The following KIAA1671 variants were observed in gnomAD, a reference collection of about 807,000 sequenced individuals.
KIAA1671 encodes KIAA1671.
In KIAA1671, 52 loss-of-function variants were observed where a neutral mutation model predicts 131.2. That is an observed-to-expected ratio of 0.40 (90% CI 0.32 to 0.50). KIAA1671 has a LOEUF of 0.50. Ranked by LOEUF, KIAA1671 falls within the 20% of genes least tolerant of loss-of-function variation. KIAA1671 has a pLI of 0.73. For missense variants in KIAA1671, 2,360 were observed against 2,364.2 expected (o/e 1.00, Z 0.04); for synonymous variants, 1,003 against 961.6 (o/e 1.04, Z -0.80).
chr22:24,985,175 A>G (rs1423026542), intron 1 of KIAA1671, among the ~76,000 whole-genome samples: 1 of 152,130 alleles, frequency 6.6e-6, no homozygotes, highest in Non-Finnish European at 1.5e-5. Flanking sequence ...TTCACATTCC[A>G]AACTGGGAAC....
At chr22:25,121,508 T>G (rs1931944557) in intron 6 of KIAA1671, among the ~76,000 whole-genome samples, 1 of 151,942 alleles carries the variant, frequency 6.6e-6, no homozygotes, top group South Asian at 2.1e-4. Context: ...AGAGAAGTCC[T>G]TACAAGAGAA....
chr22:25,164,192 C>CA (rs1353963099), intron 6 of KIAA1671, among the ~76,000 whole-genome samples: 1 of 152,110 alleles, frequency 6.6e-6, no homozygotes, highest in Non-Finnish European at 1.5e-5. Context: ...CCTCCTGATG[C>CA]ATCATAGAAA....
intron 6 of KIAA1671, among the ~76,000 whole-genome samples, chr22:25,149,941 C>T (rs1018048348): frequency 2.0e-4 from 30 of 152,322 alleles, no homozygotes; most frequent in African/African-American, 5.3e-4. Flanking sequence ...CCATGCCCTT[C>T]GTCTGTGTTG....
chr22:25,129,284 G>A (rs1005470608), intron 6 of KIAA1671, among the ~76,000 whole-genome samples: 5 of 152,000 alleles, frequency 3.3e-5, no homozygotes, highest in Admixed American at 1.3e-4. Context: ...TTTGGGAGGC[G>A]GATCATGAGG....
At chr22:25,150,105 T>C (rs892710385) in intron 6 of KIAA1671, among the ~76,000 whole-genome samples, 1 of 152,252 alleles carries the variant, frequency 6.6e-6, no homozygotes, top group Non-Finnish European at 1.5e-5. Context: ...TGTCATACAG[T>C]AGGTGCTGAT....
chr22:25,048,557 G>A (rs1252282809), intron 5 of KIAA1671, among the ~76,000 whole-genome samples: 1 of 152,098 alleles, frequency 6.6e-6, no homozygotes, highest in Admixed American at 6.5e-5. Context: ...CTGGGCCTTT[G>A]TTTCCTTGTC....
intron 6 of KIAA1671, among the ~76,000 whole-genome samples, chr22:25,139,982 A>T (rs1195441760): frequency 1.3e-5 from 2 of 152,240 alleles, no homozygotes; most frequent in African/African-American, 4.8e-5. Context: ...GCAATTGATT[A>T]GTACTGCTGC....
At chr22:25,078,350 C>T (rs1169101086) in intron 6 of KIAA1671, among the ~76,000 whole-genome samples, 1 of 152,168 alleles carries the variant, frequency 6.6e-6, no homozygotes, top group Non-Finnish European at 1.5e-5. Context: ...CACAGCAATA[C>T]TCAGTCTCTA....
At chr22:24,977,583 G>T (rs891237269) in intron 1 of KIAA1671, among the ~76,000 whole-genome samples, 12 of 152,202 alleles carry the variant, frequency 7.9e-5, no homozygotes, top group Non-Finnish European at 1.2e-4. Context: ...CCCACCCTGG[G>T]GCTCCAAAGG....
At chr22:25,104,950 T>G (rs1930911514) in intron 6 of KIAA1671, among the ~76,000 whole-genome samples, 1 of 152,158 alleles carries the variant, frequency 6.6e-6, no homozygotes, top group African/African-American at 2.4e-5. Flanking sequence ...AGAAAGTAAC[T>G]GTCCAGGGAA....
At chr22:25,041,983 A>T (rs1221913990) in intron 5 of KIAA1671, among the ~76,000 whole-genome samples, 1 of 152,116 alleles carries the variant, frequency 6.6e-6, no homozygotes, top group Middle Eastern at 3.2e-3. Flanking sequence ...GGCTCAAGTG[A>T]TCCTCCTGCC....
At chr22:25,146,992 T>A (rs1190665649) in intron 6 of KIAA1671, among the ~76,000 whole-genome samples, 1 of 151,918 alleles carries the variant, frequency 6.6e-6, no homozygotes, top group African/African-American at 2.4e-5. Flanking sequence ...CTAATCCATG[T>A]GTGTGTTTGG....
intron 6 of KIAA1671, among the ~76,000 whole-genome samples, chr22:25,114,727 A>G (rs7289890): frequency 0.12 from 18,120 of 152,248 alleles, 1,138 homozygotes; most frequent in Non-Finnish European, 0.15. Flanking sequence ...CCATCACTTC[A>G]AAGATTTTCA....
chr22:25,189,410 T>A (rs1934595632), intron 11 of KIAA1671, among the ~76,000 whole-genome samples: 1 of 152,080 alleles, frequency 6.6e-6, no homozygotes, highest in Non-Finnish European at 1.5e-5. Context: ...CCTGACCTCG[T>A]GATCCGCCCA....
chr22:25,151,440 T>G (rs1169539746), intron 6 of KIAA1671, among the ~76,000 whole-genome samples: 2 of 145,616 alleles, frequency 1.4e-5, no homozygotes, highest in Non-Finnish European at 3.0e-5. Flanking sequence ...TTTTTTTTTT[T>G]TTTTTTTTTG....
At chr22:25,157,745 C>T (rs976107928) in intron 6 of KIAA1671, among the ~76,000 whole-genome samples, 1 of 152,016 alleles carries the variant, frequency 6.6e-6, no homozygotes, top group Non-Finnish European at 1.5e-5. Context: ...TCCTATTTTG[C>T]ACCTAAATGT....
chr22:25,108,665 A>G (rs916692030), intron 6 of KIAA1671, among the ~76,000 whole-genome samples: 3 of 152,122 alleles, frequency 2.0e-5, no homozygotes, highest in African/African-American at 7.2e-5. Context: ...GGATATATCA[A>G]TGTAAGGTAT....
rs539833740 is a variant in KIAA1671, at chr22:25,115,159, G to A, written c.4531-55661G>A. On this transcript the variant is annotated intron_variant, in intron 6 of 12. Coordinates refer to ENST00000358431, the MANE Select transcript of KIAA1671 (RefSeq NM_001145206.2). ...GAGCCACAAAGGCAGGAAGAGGCAC[G>A]TTTATGCTGCACTCCCATGTGAGCC... Among the ~76,000 whole-genome samples, 521 of 152,344 alleles carry A rather than the reference G, an allele frequency of 3.4e-3. 2 individuals are homozygous for A. The highest frequency in any genetic ancestry group is 6.1e-3 in the Non-Finnish European group (412 of 68,040).
intron 1 of KIAA1671, among the ~76,000 whole-genome samples, chr22:24,985,727 A>AGTGT (rs1486485805): frequency 6.7e-6 from 1 of 150,208 alleles, no homozygotes; most frequent in East Asian, 2.0e-4. Context: ...AGAGAGAGAG[A>AGTGT]GTGTGTGAGT....
Sources: gnomAD v4.1 joint callset for allele counts (sites outside exome capture counted in the v4.1 genomes callset) on GRCh38, gnomAD v4.1.1 for gene constraint, MANE v1.5 for transcripts, NCBI Gene and HGNC (gene_info 2026-07-23, HGNC 2026-07-21) for gene names.